SLC6A15: variants seen among roughly 807,000 people sequenced by gnomAD.
SLC6A15 encodes solute carrier family 6 member 15, also known as sodium-dependent neutral amino acid transporter B(0)AT2.
A neutral mutation model predicts 68.5 loss-of-function variants in SLC6A15; 33 were observed. That is an observed-to-expected ratio of 0.48 (90% CI 0.37 to 0.64). The LOEUF (loss-of-function observed/expected upper bound fraction) is 0.64, where lower values mean the gene tolerates loss of function less well. Ranked by LOEUF, SLC6A15 falls within the 30% of genes least tolerant of loss-of-function variation. SLC6A15 has a pLI of 0.00. For missense variants in SLC6A15, 747 were observed against 874.3 expected (o/e 0.85, Z 1.84); for synonymous variants, 347 against 301.0 (o/e 1.15, Z -1.58).
At chr12:84,903,901 T>G (rs1346892487) in intron 1 of SLC6A15, among the ~76,000 whole-genome samples, 1 of 152,198 alleles carries the variant, frequency 6.6e-6, no homozygotes, top group African/African-American at 2.4e-5. Flanking sequence ...TAATTTATAC[T>G]ATGTTTTCTA....
At chr12:84,872,495 G>A (rs1871328770) in intron 8 of SLC6A15, 107 bp downstream of exon 8, 5 of 767,302 alleles carry the variant, frequency 6.5e-6, no homozygotes, top group East Asian at 2.8e-5. Flanking sequence ...GGCATTTTAA[G>A]AGCTTCTTCG....
At chr12:84,874,712 C>T (rs1467304299) in intron 6 of SLC6A15, among the ~76,000 whole-genome samples, 1 of 152,052 alleles carries the variant, frequency 6.6e-6, no homozygotes, top group African/African-American at 2.4e-5. Context: ...TATTAAAATA[C>T]ACTCAACTGT....
At chr12:84,873,966 T>A (rs1282898359) in intron 6 of SLC6A15, among the ~76,000 whole-genome samples, 1 of 152,232 alleles carries the variant, frequency 6.6e-6, no homozygotes, top group Non-Finnish European at 1.5e-5. Context: ...AACAGATATT[T>A]CATGTAGTTG....
chr12:84,874,058 T>C (rs142553601), intron 6 of SLC6A15, among the ~76,000 whole-genome samples: 18 of 152,326 alleles, frequency 1.2e-4, no homozygotes, highest in African/African-American at 4.1e-4. Flanking sequence ...GTGGCCCAGA[T>C]CTTAATAAAC....
chr12:84,866,454 T>C (rs1871070136), intron 10 of SLC6A15, among the ~76,000 whole-genome samples: 1 of 152,138 alleles, frequency 6.6e-6, no homozygotes, highest in Admixed American at 6.6e-5. Context: ...TATATAAAAA[T>C]AATGTTTCTG....
chr12:84,907,303 G>A (rs561497502), intron 1 of SLC6A15, among the ~76,000 whole-genome samples: 8 of 151,720 alleles, frequency 5.3e-5, no homozygotes, highest in Admixed American at 1.3e-4. Flanking sequence ...AGCTGAGATC[G>A]CGCCACTGAA....
At chr12:84,874,211 T>A (rs1424491460) in intron 6 of SLC6A15, among the ~76,000 whole-genome samples, 1 of 152,220 alleles carries the variant, frequency 6.6e-6, no homozygotes, top group African/African-American at 2.4e-5. Context: ...ATTCTGATTC[T>A]GCCATTTAGT....
At chr12:84,869,055 C>T (rs1393035132) in intron 9 of SLC6A15, among the ~76,000 whole-genome samples, 1 of 152,140 alleles carries the variant, frequency 6.6e-6, no homozygotes, top group African/African-American at 2.4e-5. Context: ...GTTTTATACA[C>T]GCACACACAT....
chr12:84,891,015 T>A (rs977714530), intron 2 of SLC6A15, among the ~76,000 whole-genome samples: 1 of 152,150 alleles, frequency 6.6e-6, no homozygotes, highest in Non-Finnish European at 1.5e-5. Flanking sequence ...TTAAATTAAA[T>A]TCAGTTTGGT....
intron 2 of SLC6A15, among the ~76,000 whole-genome samples, chr12:84,889,293 A>G (rs571703449): frequency 2.6e-5 from 4 of 151,904 alleles, no homozygotes; most frequent in Non-Finnish European, 5.9e-5. Context: ...GATCAAGACC[A>G]TCCTGGCTAA....
At chr12:84,904,093 A>G (rs1257940134) in intron 1 of SLC6A15, among the ~76,000 whole-genome samples, 2 of 151,958 alleles carry the variant, frequency 1.3e-5, no homozygotes, top group Non-Finnish European at 1.5e-5. Flanking sequence ...TTCCAAGGCT[A>G]TAGAAGCTTG....
In SLC6A15 at chr12:84,907,066, G is replaced by A. The variant is rs979373246; in HGVS notation, c.-189+5457C>T. 8.5e-5 allele frequency among the ~76,000 whole-genome samples: 13 copies of A among 152,048 alleles called. No homozygotes were observed. The East Asian group carries it at 1.7e-3, about 20-fold the overall frequency. ...TATAAAGAACTCTTAAAACTCGACC[G>A]TTGCCAGGCGCGGTGGCTCACGCCT... On this transcript the variant is annotated intron_variant, in intron 1 of 11. Coordinates refer to ENST00000266682, the MANE Select transcript of SLC6A15 (RefSeq NM_182767.6).
intron 7 of SLC6A15, 30 bp downstream of exon 7, chr12:84,873,057 A>T: frequency 1.2e-6 from 2 of 1,600,280 alleles, no homozygotes; most frequent in Non-Finnish European, 1.7e-6. Context: ...AAAACTAAGA[A>T]AAAAGGCAAA....
intron 5 of SLC6A15, 65 bp downstream of exon 5, chr12:84,883,794 T>C (rs150132444): frequency 1.6e-4 from 253 of 1,613,792 alleles, no homozygotes; most frequent in Admixed American, 1.3e-3. Flanking sequence ...TGTAACAGAA[T>C]TTGAGAGAGG....
chr12:84,867,063 A>T lies in SLC6A15; in HGVS notation c.1626T>A (p.Ile542=). Reference sequence around the variant, plus strand: ...CTATGCCATAAACAAAGCATACAGCAATATTCTCCAAAATGACTACAATTA... The same window carrying T: ...CTATGCCATAAACAAAGCATACAGCTATATTCTCCAAAATGACTACAATTA... ...PLLIVVILEN[I]AVCFVYGIDK... The change falls in exon 10 of 12, where the codon ATT becomes ATA. Residue 542 remains isoleucine, a synonymous_variant. Coordinates refer to ENST00000266682, the MANE Select transcript of SLC6A15 (RefSeq NM_182767.6). 2 of 1,609,942 alleles carry T rather than the reference A, an allele frequency of 1.2e-6. No homozygotes were observed. The highest frequency in any genetic ancestry group is 1.7e-6 in the Non-Finnish European group (2 of 1,178,306).
intron 8 of SLC6A15, among the ~76,000 whole-genome samples, 174 bp from the exon 9 acceptor site, chr12:84,870,844 GATTTA>G (rs1428097825): frequency 1.3e-5 from 2 of 152,042 alleles, no homozygotes; most frequent in South Asian, 4.1e-4. Context: ...TCAGAACCTG[GATTTA>G]ATTAGATCAA....
chr12:84,904,684 T>C (rs1433383205), intron 1 of SLC6A15, among the ~76,000 whole-genome samples: 2 of 152,216 alleles, frequency 1.3e-5, no homozygotes, highest in Admixed American at 6.5e-5. Context: ...GTCAATCATA[T>C]GTAAAGCTGC....
At chr12:84,893,534 T>C (rs1002416157) in intron 1 of SLC6A15, among the ~76,000 whole-genome samples, 2 of 152,174 alleles carry the variant, frequency 1.3e-5, no homozygotes, top group Non-Finnish European at 2.9e-5. Context: ...AAAATGTGAC[T>C]GAAAAATATG....
In SLC6A15 at chr12:84,876,491, A is replaced by G; in HGVS notation, c.867+6T>C. 4 of 1,435,620 alleles carry G rather than the reference A, an allele frequency of 2.8e-6. No homozygotes were observed. Among genetic ancestry groups the G allele is most frequent in the Non-Finnish European group, 3.9e-6 (4 of 1,035,520 alleles). The allele number at this position is 1,435,620 out of a possible 1,614,324, so 88.9% of individuals were successfully genotyped here. A position where few individuals can be genotyped will look rare whatever the true frequency, so the allele number is the denominator to read the frequency against. On this transcript the variant is annotated splice_donor_region_variant and intron_variant, in intron 6 of 11. Transcript: ENST00000266682. Reference sequence around the variant, plus strand: ...CATAAGCCTTAAATAGAAATATGGTACATACCTTAGGGGTAAACATGTGGC... The same window carrying G: ...CATAAGCCTTAAATAGAAATATGGTGCATACCTTAGGGGTAAACATGTGGC...
Sources: allele counts gnomAD v4.1 joint callset (sites outside exome capture counted in the v4.1 genomes callset), GRCh38; gene constraint gnomAD v4.1.1; transcripts MANE v1.5; gene names NCBI Gene and HGNC (gene_info 2026-07-23, HGNC 2026-07-21).